Variants in BCAR3 observed in about 807,000 individuals in gnomAD.
BCAR3 encodes the protein breast cancer anti-estrogen resistance protein 3.
BCAR3 carries 37 observed loss-of-function variants against 80.1 expected under a neutral mutation model. The observed-to-expected ratio is 0.46, with a 90% CI of 0.36 to 0.61. The LOEUF is 0.61. Among genes scored for constraint, BCAR3 ranks in the 20% least tolerant of loss-of-function variants. The probability of loss-of-function intolerance (pLI) is 0.00; values close to 1 mark genes in which losing one functional copy is unlikely to be tolerated. For missense variants in BCAR3, 978 were observed against 1,068.2 expected (o/e 0.92, Z 1.18); for synonymous variants, 389 against 418.9 (o/e 0.93, Z 0.87).
At chr1:93,653,808 C>T (rs774528722) in intron 2 of BCAR3, among the ~76,000 whole-genome samples, 4 of 151,980 alleles carry the variant, frequency 2.6e-5, no homozygotes, top group Non-Finnish European at 5.9e-5. Context: ...GGTGGTGATG[C>T]GAAATGCTCC....
At chr1:93,762,509 C>T (rs151231112) in intron 2 of BCAR3, among the ~76,000 whole-genome samples, 1 of 152,318 alleles carries the variant, frequency 6.6e-6, no homozygotes, top group Non-Finnish European at 1.5e-5. Context: ...AGCAGGAGGA[C>T]ATGTGCTGAT....
intron 2 of BCAR3, among the ~76,000 whole-genome samples, chr1:93,784,187 T>C (rs1440829505): frequency 2.9e-5 from 4 of 138,656 alleles, no homozygotes; most frequent in South Asian, 2.2e-4. Context: ...GCCCAAATAA[T>C]GGATCTGTAA....
intron 2 of BCAR3, among the ~76,000 whole-genome samples, chr1:93,750,346 C>T (rs1223600926): frequency 6.6e-6 from 1 of 152,238 alleles, no homozygotes; most frequent in Non-Finnish European, 1.5e-5. Flanking sequence ...TCCACATCTG[C>T]AAAATGGGAT....
chr1:93,592,146 GT>G lies in BCAR3; in HGVS notation c.486+118del. The G allele has an allele frequency of 4.9e-6, 7 of 1,418,600 alleles. No individual in the cohort carries two copies. The highest frequency in any genetic ancestry group is 1.3e-5 in the South Asian group (1 of 75,674). The allele number at this position is 1,418,600 out of a possible 1,614,324, so 87.9% of individuals were successfully genotyped here. A position where few individuals can be genotyped will look rare whatever the true frequency, so the allele number is the denominator to read the frequency against. ...AAATGAAGTCATTTTTAGAGTATTT[GT>G]TTTTGGTTACACAGGTGCTTCCGCC... On this transcript the variant is annotated intron_variant, in intron 4 of 11. Transcript: ENST00000260502. The surrounding 1 kb of genome is among the most constrained non-coding windows in gnomAD (Gnocchi z 4.8).
At chr1:93,601,488 T>C (rs780561399) in intron 3 of BCAR3, among the ~76,000 whole-genome samples, 14 of 152,310 alleles carry the variant, frequency 9.2e-5, no homozygotes, top group Non-Finnish European at 1.6e-4. Context: ...AAGCACTTTG[T>C]ATGCATATAT....
chr1:93,587,424 TA>T (rs1673989769), intron 5 of BCAR3, among the ~76,000 whole-genome samples: 1 of 152,156 alleles, frequency 6.6e-6, no homozygotes, highest in African/African-American at 2.4e-5. Flanking sequence ...TTGCATATAT[TA>T]AATCATGTAC....
upstream of BCAR3, chr1:93,847,913 C>T: frequency 8.1e-6 from 2 of 245,746 alleles, no homozygotes; most frequent in Non-Finnish European, 1.6e-5. Flanking sequence ...GCGGCGGCGG[C>T]GGCGGCGGCG....
At chr1:93,645,105 G>A (rs890634794) in intron 2 of BCAR3, among the ~76,000 whole-genome samples, 1 of 152,152 alleles carries the variant, frequency 6.6e-6, no homozygotes, top group African/African-American at 2.4e-5. Flanking sequence ...AAGCGCCCAT[G>A]GGTGACTGGG....
At chr1:93,700,484 C>G (rs1649601131) in intron 3 of BCAR3, among the ~76,000 whole-genome samples, 1 of 152,188 alleles carries the variant, frequency 6.6e-6, no homozygotes, top group Non-Finnish European at 1.5e-5. Flanking sequence ...TCCTTAAATG[C>G]CTATTTATTT....
At chr1:93,743,946 G>C (rs946032342) in intron 2 of BCAR3, among the ~76,000 whole-genome samples, 3 of 152,194 alleles carry the variant, frequency 2.0e-5, no homozygotes, top group African/African-American at 7.2e-5. Context: ...GGAAGGGCAT[G>C]GGGATGTGTA....
chr1:93,570,640 T>C (rs1673174493), intron 9 of BCAR3, among the ~76,000 whole-genome samples: 1 of 152,240 alleles, frequency 6.6e-6, no homozygotes, highest in African/African-American at 2.4e-5. Flanking sequence ...AACTTTTTAA[T>C]AGGACAGTCT....
intron 2 of BCAR3, among the ~76,000 whole-genome samples, chr1:93,669,534 C>A (rs990831091): frequency 6.6e-6 from 1 of 152,182 alleles, no homozygotes; most frequent in Non-Finnish European, 1.5e-5. Context: ...TAATGAAACA[C>A]CACATTGTCC....
chr1:93,562,481 CTG>C (rs1218543173), intron 11 of BCAR3, 62 bp from the exon 12 acceptor site: 7 of 1,536,600 alleles, frequency 4.6e-6, no homozygotes, highest in Non-Finnish European at 6.2e-6. Flanking sequence ...TAAAAATAGA[CTG>C]AAAGCACCAG....
intron 2 of BCAR3, among the ~76,000 whole-genome samples, chr1:93,799,125 C>T (rs1350255925): frequency 6.6e-6 from 1 of 152,162 alleles, no homozygotes; most frequent in Non-Finnish European, 1.5e-5. Context: ...TATGATAATG[C>T]CTGAAATGGC....
Position 93,640,781 on chromosome 1 carries a change from G to T in BCAR3, c.357+1523C>A, listed in dbSNP as rs148251191. The stretch of plus-strand genomic sequence containing the variant: ...TGCACTACCAAATTATCTTAAAAGG[G>T]TTTAGACTTTTGTAAAAGAAAAAAC... On this transcript the variant is annotated intron_variant, in intron 3 of 11. Coordinates refer to ENST00000260502, the MANE Select transcript of BCAR3 (RefSeq NM_003567.4). 6.8e-3 allele frequency among the ~76,000 whole-genome samples: 1,029 copies of T among 152,304 alleles called. 15 individuals are homozygous for T. The highest frequency in any genetic ancestry group is 0.024 in the African/African-American group (988 of 41,580).
chr1:93,618,927 T>G (rs534696214), intron 3 of BCAR3, among the ~76,000 whole-genome samples: 185 of 133,018 alleles, frequency 1.4e-3, no homozygotes, highest in African/African-American at 6.8e-3. Context: ...GCCGTGGGTT[T>G]TTTTTTTTTT....
At chr1:93,624,322 C>T (rs1191589203) in intron 3 of BCAR3, among the ~76,000 whole-genome samples, 4 of 152,202 alleles carry the variant, frequency 2.6e-5, no homozygotes, top group Non-Finnish European at 4.4e-5. Flanking sequence ...CAGTCACCTG[C>T]GAGGGCAACC....
chr1:93,827,454 C>T (rs1025301479), intron 2 of BCAR3, among the ~76,000 whole-genome samples: 1 of 152,088 alleles, frequency 6.6e-6, no homozygotes, highest in African/African-American at 2.4e-5. Context: ...GACTGTGACC[C>T]AGCTCCCTCC....
chr1:93,663,089 G>T (rs761941550), intron 2 of BCAR3, among the ~76,000 whole-genome samples: 1 of 152,068 alleles, frequency 6.6e-6, no homozygotes, highest in East Asian at 1.9e-4. Flanking sequence ...CCAGGCCAGC[G>T]ATTCTTGCTT....
Sources: gnomAD v4.1 joint callset for allele counts (sites outside exome capture counted in the v4.1 genomes callset) on GRCh38, gnomAD v4.1.1 for gene constraint, Gnocchi (gnomAD v3.1) non-coding constraint, MANE v1.5 for transcripts, NCBI Gene and HGNC (gene_info 2026-07-23, HGNC 2026-07-21) for gene names.